The following ZNF618 variants were observed in gnomAD, a reference collection of about 807,000 sequenced individuals.
The protein encoded by ZNF618 is neural precursor cell expressed, developmentally down-regulated 10.
ZNF618 carries 34 observed loss-of-function variants against 103.0 expected under a neutral mutation model. The observed-to-expected ratio is 0.33, with a 90% CI of 0.25 to 0.44. The LOEUF (loss-of-function observed/expected upper bound fraction) is 0.44, where lower values mean the gene tolerates loss of function less well. Among genes scored for constraint, ZNF618 ranks in the 20% least tolerant of loss-of-function variants. The probability of loss-of-function intolerance (pLI) is 1.00; values close to 1 mark genes in which losing one functional copy is unlikely to be tolerated. For missense variants in ZNF618, 1,059 were observed against 1,295.4 expected (o/e 0.82, Z 2.80); for synonymous variants, 551 against 542.2 (o/e 1.02, Z -0.23).
chr9:114,008,237 T>G, intron 7 of ZNF618, 107 bp from the exon 8 acceptor site: 1 of 1,497,896 alleles, frequency 6.7e-7, no homozygotes, highest in Non-Finnish European at 9.0e-7. Context: ...GGCAAACCCA[T>G]GGGGATAGGG....
At chr9:113,931,867 A>G (rs185226682) in intron 1 of ZNF618, among the ~76,000 whole-genome samples, 1 of 152,286 alleles carries the variant, frequency 6.6e-6, no homozygotes, top group Non-Finnish European at 1.5e-5. Context: ...TTAACATTGC[A>G]TATGTGGCTC....
intron 10 of ZNF618, among the ~76,000 whole-genome samples, chr9:114,026,696 A>C (rs551022841): frequency 2.6e-5 from 4 of 152,346 alleles, no homozygotes; most frequent in South Asian, 4.1e-4. Flanking sequence ...TGTGGCCAGA[A>C]TAAGCCTTTG....
At chr9:114,005,616 A>G (rs1841673946) in intron 6 of ZNF618, among the ~76,000 whole-genome samples, 1 of 152,200 alleles carries the variant, frequency 6.6e-6, no homozygotes, top group African/African-American at 2.4e-5. Context: ...ATGTCAAGGC[A>G]GAGCCCAGTC....
intron 1 of ZNF618, among the ~76,000 whole-genome samples, chr9:113,943,177 A>G (rs764277660): frequency 3.3e-5 from 5 of 152,182 alleles, no homozygotes; most frequent in Non-Finnish European, 5.9e-5. Flanking sequence ...CACTGGTAAG[A>G]CAAGCAGGAT....
At chr9:113,894,457 A>G (rs1055269990) in intron 1 of ZNF618, among the ~76,000 whole-genome samples, 5 of 152,214 alleles carry the variant, frequency 3.3e-5, no homozygotes, top group African/African-American at 7.2e-5. Context: ...GGAGGGAAAG[A>G]TGAATCTTGG....
At chr9:114,005,568 G>A (rs377350875) in intron 6 of ZNF618, among the ~76,000 whole-genome samples, 10 of 152,282 alleles carry the variant, frequency 6.6e-5, no homozygotes, top group Middle Eastern at 6.8e-3. Flanking sequence ...GGCAGGTGGC[G>A]GCAGATGGCG....
intron 13 of ZNF618, 128 bp from the exon 14 acceptor site, chr9:114,047,765 G>A (rs1388393431): frequency 2.8e-6 from 2 of 706,362 alleles, no homozygotes; most frequent in East Asian, 5.5e-5. Flanking sequence ...GAGGAGCCAG[G>A]ATTTTAACCC....
At chr9:114,017,096 G>A (rs1276953334) in intron 10 of ZNF618, among the ~76,000 whole-genome samples, 1 of 152,110 alleles carries the variant, frequency 6.6e-6, no homozygotes, top group Non-Finnish European at 1.5e-5. Context: ...CCTCTTCTAG[G>A]TACCGCTACA....
chr9:113,894,604 T>A (rs1333810980), intron 1 of ZNF618, among the ~76,000 whole-genome samples: 44 of 152,218 alleles, frequency 2.9e-4, no homozygotes, highest in Admixed American at 2.9e-3. Context: ...TAACATGGTC[T>A]GTTTCTTTAT....
Position 113,969,111 on chromosome 9 carries a change from T to C in ZNF618, c.34-6T>C, listed in dbSNP as rs1045651218. On this transcript the variant is annotated splice_polypyrimidine_tract_variant and splice_region_variant and intron_variant, in intron 1 of 14. Transcript: ENST00000374126. ...CTGATGTAGGTGTTTTGGGTTTCTT[T>C]TGCAGGCTGACGGAGCCAGTGCAGC... is the stretch of plus-strand genomic sequence containing the variant. 6.2e-7 allele frequency: 1 copy of C among 1,613,832 alleles called. No homozygotes were observed. Among genetic ancestry groups the C allele is most frequent in the African/African-American group, 1.3e-5 (1 of 74,890 alleles).
At chr9:113,894,369 C>G (rs1347227908) in intron 1 of ZNF618, among the ~76,000 whole-genome samples, 2 of 152,178 alleles carry the variant, frequency 1.3e-5, no homozygotes, top group African/African-American at 4.8e-5. Context: ...GGTGCTGAAT[C>G]AATATGAATT....
chr9:113,969,741 G>A (rs925622819), intron 2 of ZNF618, among the ~76,000 whole-genome samples: 1 of 152,208 alleles, frequency 6.6e-6, no homozygotes, highest in Non-Finnish European at 1.5e-5. Flanking sequence ...CATCATGACA[G>A]GTGTCACAGG....
intron 13 of ZNF618, among the ~76,000 whole-genome samples, chr9:114,041,890 A>G (rs558012140): frequency 1.3e-5 from 2 of 152,262 alleles, no homozygotes; most frequent in African/African-American, 4.8e-5. Context: ...CTTGATGGGG[A>G]TGGCATTGAA....
chr9:113,942,340 C>G (rs982538453), intron 1 of ZNF618, among the ~76,000 whole-genome samples: 3 of 151,836 alleles, frequency 2.0e-5, no homozygotes, highest in African/African-American at 4.8e-5. Flanking sequence ...TCTTCCCTCT[C>G]TTCTTTTTTT....
At chr9:113,968,789 A>G (rs1185206039) in intron 1 of ZNF618, among the ~76,000 whole-genome samples, 1 of 152,202 alleles carries the variant, frequency 6.6e-6, no homozygotes, top group Non-Finnish European at 1.5e-5. Flanking sequence ...CCAGCTGAAA[A>G]TAAAAATGGT....
At chr9:114,018,152 C>T (rs1842794651) in intron 10 of ZNF618, among the ~76,000 whole-genome samples, 1 of 152,236 alleles carries the variant, frequency 6.6e-6, no homozygotes, top group African/African-American at 2.4e-5. Context: ...CATTCCACTT[C>T]CCAGCCTGGG....
chr9:114,026,095 T>C (rs1276490562), intron 10 of ZNF618, among the ~76,000 whole-genome samples: 1 of 152,320 alleles, frequency 6.6e-6, no homozygotes, highest in South Asian at 2.1e-4. Context: ...TGGGGAGTTT[T>C]GGGGGAGGCA....
chr9:113,946,728 C>T (rs1044478131), intron 1 of ZNF618, among the ~76,000 whole-genome samples: 1 of 152,110 alleles, frequency 6.6e-6, no homozygotes, highest in African/African-American at 2.4e-5. Context: ...AGGATGTAGA[C>T]GGGAGTGTGT....
At chr9:113,913,293 G>A (rs961270252) in intron 1 of ZNF618, among the ~76,000 whole-genome samples, 2 of 152,262 alleles carry the variant, frequency 1.3e-5, no homozygotes, top group Non-Finnish European at 1.5e-5. Flanking sequence ...TAACTGGTAA[G>A]TGGTAGAGTT....
Sources: gnomAD v4.1 joint callset for allele counts (sites outside exome capture counted in the v4.1 genomes callset) on GRCh38, gnomAD v4.1.1 for gene constraint, MANE v1.5 for transcripts, NCBI Gene and HGNC (gene_info 2026-07-23, HGNC 2026-07-21) for gene names.